Variants in SWT1 observed in about 807,000 individuals in gnomAD.
The protein encoded by SWT1 is SWT1 RNA endoribonuclease homolog.
SWT1 carries 33 observed loss-of-function variants against 107.3 expected under a neutral mutation model. The ratio of observed to expected loss-of-function variants is 0.31; its 90% confidence interval spans 0.23 to 0.41. SWT1 has a LOEUF of 0.41. Ranked by LOEUF, SWT1 falls within the 10% of genes least tolerant of loss-of-function variation. The pLI, the probability that SWT1 is intolerant of heterozygous loss-of-function variation, is 1.00. For synonymous variants in SWT1, 345 were observed against 348.3 expected, an observed-to-expected ratio of 0.99 and a Z score of 0.11; for missense variants, 898 against 1,028.9, an observed-to-expected ratio of 0.87 and a Z score of 1.74.
rs762871821 is a variant in SWT1, at chr1:185,160,891, A to G, written c.50A>G (p.Asp17Gly). ...CGKKETSQRK[D>G]TTTSSPNFGE... The stretch of plus-strand genomic sequence containing the variant: ...AAAAAAGAGACATCTCAGAGGAAAG[A>G]CACCACCACCTCATCACCCAATTTT... Residue 17 changes from aspartate to glycine, a missense_variant, in exon 2 of 19, where the codon GAC (aspartate) becomes GGC (glycine). This residue lies in a region of SWT1 where 382 missense variants were observed against 362.4 expected (regional missense o/e 1.05). Coordinates refer to ENST00000367500, the MANE Select transcript of SWT1 (RefSeq NM_017673.7). The G allele has an allele frequency of 6.2e-7, 1 of 1,613,492 alleles. No homozygotes were observed. The highest frequency in any genetic ancestry group is 2.2e-5 in the East Asian group (1 of 44,840).
intron 10 of SWT1, among the ~76,000 whole-genome samples, chr1:185,191,949 TTCTC>T (rs760031253): frequency 1.4e-4 from 22 of 152,256 alleles, no homozygotes; most frequent in Non-Finnish European, 2.8e-4. Context: ...GAGCCTGTTT[TTCTC>T]TCTCTCTTTT....
In SWT1 at chr1:185,184,259, CAGAA is replaced by C. The variant is rs1656268547; in HGVS notation, c.1158_1161del (p.Arg386SerfsTer3). ...TTTCTTTAGCAAATAATACTTCAGACAGAAAGCTTCTAATTGTTATTGACACAAA... is the reference window on the plus strand; with the variant it reads ...TTTCTTTAGCAAATAATACTTCAGACAGCTTCTAATTGTTATTGACACAAA... On this transcript the variant is annotated frameshift_variant, in exon 8 of 19. Coordinates refer to ENST00000367500, the MANE Select transcript of SWT1 (RefSeq NM_017673.7). LOFTEE classifies it high-confidence loss of function. 1 of 1,544,894 alleles carries C rather than the reference CAGAA, an allele frequency of 6.5e-7. No homozygotes were observed. The highest frequency in any genetic ancestry group is 1.9e-5 in the Admixed American group (1 of 51,302).
intron 9 of SWT1, among the ~76,000 whole-genome samples, chr1:185,187,506 A>G (rs1481185112): frequency 4.6e-5 from 7 of 152,112 alleles, no homozygotes; most frequent in Admixed American, 3.9e-4. Flanking sequence ...TGTACCAGAC[A>G]CTGTTCCAAG....
intron 2 of SWT1, among the ~76,000 whole-genome samples, chr1:185,163,374 A>G (rs1193977571): frequency 6.6e-6 from 1 of 151,636 alleles, no homozygotes; most frequent in Admixed American, 6.6e-5. Flanking sequence ...TATAAGAAGC[A>G]ACTCCTAATC....
At chr1:185,207,736 T>TA (rs1208088054) in intron 13 of SWT1, among the ~76,000 whole-genome samples, 4 of 151,512 alleles carry the variant, frequency 2.6e-5, no homozygotes. Flanking sequence ...ACTCCCTTTC[T>TA]AAAAAAAATA....
chr1:185,239,267 T>C (rs1182355625), intron 16 of SWT1, among the ~76,000 whole-genome samples: 1 of 152,144 alleles, frequency 6.6e-6, no homozygotes, highest in Non-Finnish European at 1.5e-5. Flanking sequence ...TGGTACCTTC[T>C]TTAGAAGAGT....
intron 13 of SWT1, among the ~76,000 whole-genome samples, chr1:185,209,000 G>A (rs1023664039): frequency 2.6e-5 from 4 of 152,070 alleles, no homozygotes; most frequent in Admixed American, 6.6e-5. Flanking sequence ...TTTCAAGAAC[G>A]TCTTATCTGA....
chr1:185,251,153 A>T (rs1305657527), intron 16 of SWT1, among the ~76,000 whole-genome samples: 3 of 152,238 alleles, frequency 2.0e-5, no homozygotes, highest in Non-Finnish European at 4.4e-5. Context: ...AATTTGCAAG[A>T]TGCAAATATC....
intron 18 of SWT1, among the ~76,000 whole-genome samples, chr1:185,285,243 C>T (rs1029020642): frequency 5.9e-5 from 9 of 152,262 alleles, no homozygotes; most frequent in African/African-American, 1.2e-4. Context: ...TGCCCCACCC[C>T]GACAACCCAG....
chr1:185,191,356 A>G (rs544346563), intron 10 of SWT1, among the ~76,000 whole-genome samples: 1 of 152,282 alleles, frequency 6.6e-6, no homozygotes, highest in African/African-American at 2.4e-5. Flanking sequence ...AAAGGTTCTG[A>G]AGGGACAGAA....
At chr1:185,184,382 C>T (rs1307126982) in intron 8 of SWT1, 38 bp downstream of exon 8, 4 of 1,217,002 alleles carry the variant, frequency 3.3e-6, no homozygotes, top group Non-Finnish European at 4.7e-6. Context: ...TGATTTTCTT[C>T]CTTGAGTTGA....
At chr1:185,182,754 T>A (rs1656134188) in intron 7 of SWT1, among the ~76,000 whole-genome samples, 1 of 151,988 alleles carries the variant, frequency 6.6e-6, no homozygotes, top group Non-Finnish European at 1.5e-5. Context: ...GTTGTGAAAT[T>A]TTGATCATTT....
intron 14 of SWT1, among the ~76,000 whole-genome samples, chr1:185,217,423 T>C (rs1369192755): frequency 1.3e-5 from 2 of 152,148 alleles, no homozygotes; most frequent in African/African-American, 2.4e-5. Context: ...GCATGAACCC[T>C]ATTGTGAACT....
At chr1:185,221,620 G>A (rs550835785) in intron 14 of SWT1, among the ~76,000 whole-genome samples, 124 of 152,142 alleles carry the variant, frequency 8.2e-4, no homozygotes, top group Non-Finnish European at 1.5e-3. Context: ...GCATGTTAGC[G>A]AAACAAATCA....
intron 13 of SWT1, among the ~76,000 whole-genome samples, chr1:185,207,465 G>C (rs1158853334): frequency 6.6e-6 from 1 of 152,050 alleles, no homozygotes; most frequent in African/African-American, 2.4e-5. Context: ...TATAGGACTT[G>C]GAAAAAAGTT....
chr1:185,168,260 C>A, intron 3 of SWT1, 80 bp from the exon 4 acceptor site: 1 of 800,186 alleles, frequency 1.2e-6, no homozygotes, highest in Non-Finnish European at 1.8e-6. Flanking sequence ...AGTATTGTGT[C>A]AGCCTATTCA....
intron 16 of SWT1, among the ~76,000 whole-genome samples, chr1:185,268,914 G>A (rs1251641657): frequency 4.7e-5 from 7 of 147,794 alleles, no homozygotes; most frequent in Non-Finnish European, 5.9e-5. Context: ...GTGCAGTGGC[G>A]CGATCTCGCC....
chr1:185,175,537 G>A (rs1655471724), intron 5 of SWT1, among the ~76,000 whole-genome samples: 1 of 151,936 alleles, frequency 6.6e-6, no homozygotes, highest in East Asian at 1.9e-4. Context: ...CTTTTTAGTT[G>A]TTTCTATTAC....
chr1:185,211,159 C>T (rs568861412), intron 13 of SWT1, among the ~76,000 whole-genome samples: 1 of 152,082 alleles, frequency 6.6e-6, no homozygotes, highest in Non-Finnish European at 1.5e-5. Context: ...ATCAAGCTAC[C>T]ATTGACTTTC....
Sources: gnomAD v4.1 joint callset for allele counts (sites outside exome capture counted in the v4.1 genomes callset) on GRCh38, gnomAD v4.1.1 for gene constraint, gnomAD v4.1.1 regional missense constraint, MANE v1.5 for transcripts, NCBI Gene and HGNC (gene_info 2026-07-23, HGNC 2026-07-21) for gene names.